The following ATG7 variants were observed in gnomAD, a reference collection of about 807,000 sequenced individuals.
ATG7 encodes the protein autophagy related 7, also known as ubiquitin-like modifier-activating enzyme ATG7.
In ATG7, 70 loss-of-function variants were observed where a neutral mutation model predicts 82.4. That is an observed-to-expected ratio of 0.85 (90% CI 0.70 to 1.04). The LOEUF (loss-of-function observed/expected upper bound fraction) is 1.04, where lower values mean the gene tolerates loss of function less well. Among genes scored for constraint, ATG7 ranks in the 50% least tolerant of loss-of-function variants. The pLI, the probability that ATG7 is intolerant of heterozygous loss-of-function variation, is 0.00. For missense variants in ATG7, 792 were observed against 864.3 expected (o/e 0.92, Z 1.05); for synonymous variants, 287 against 313.0 (o/e 0.92, Z 0.88).
In ATG7 at chr3:11,505,073, G is replaced by A. The variant is rs150726958; in HGVS notation, c.2080-49738G>A. Among the ~76,000 whole-genome samples the A allele has an allele frequency of 9.9e-5, 15 of 152,268 alleles. No homozygotes were observed. In the East Asian group the frequency reaches 2.9e-3, roughly 29 times the overall value. ...CATACAGAGGTAACTAAAAGTATCA[G>A]GTAAGTCTCTACGGAGTATAGTATG... is the stretch of plus-strand genomic sequence containing the variant. On this transcript the variant is annotated intron_variant, in intron 20 of 20. Transcript: ENST00000693202.
At chr3:11,355,483 G>A (rs1256177889) in intron 14 of ATG7, among the ~76,000 whole-genome samples, 1 of 152,138 alleles carries the variant, frequency 6.6e-6, no homozygotes, top group Non-Finnish European at 1.5e-5. Context: ...CTCTTATCCA[G>A]AACACGCAAG....
chr3:11,427,037 G>A, intron 20 of ATG7, 111 bp downstream of exon 20: 1 of 1,314,120 alleles, frequency 7.6e-7, no homozygotes, highest in Non-Finnish European at 1.0e-6. Context: ...GTAACTTAGA[G>A]CAAATATCAC....
chr3:11,362,883 C>T lies in ATG7; in HGVS notation c.1754C>T (p.Ala585Val). Residue 585 changes from alanine to valine, a missense_variant, in exon 17 of 21, where the codon GCC becomes GTC. By Grantham distance (64) the Ala-to-Val change is moderately conservative. Coordinates refer to ENST00000693202, the MANE Select transcript of ATG7 (RefSeq NM_001349232.2). The stretch of plus-strand genomic sequence containing the variant: ...CCAGGACTGGCCGTGATTGCAGGAG[C>T]CCTGGCCGTGGAATTGATGGTATCT... ...SRPGLAVIAGALAVELMVSVL... is the reference protein window; with the variant it reads ...SRPGLAVIAGVLAVELMVSVL... The T allele has an allele frequency of 6.2e-7, 1 of 1,614,044 alleles. No homozygotes were observed. Among genetic ancestry groups the T allele is most frequent in the South Asian group, 1.1e-5 (1 of 91,068 alleles).
In ATG7 at chr3:11,347,857, G is replaced by A; in HGVS notation, c.1126-20G>A. 1.9e-6 allele frequency: 3 copies of A among 1,608,952 alleles called. No individual in the cohort carries two copies. The highest frequency in any genetic ancestry group is 2.2e-5 in the East Asian group (1 of 44,708). On this transcript the variant is annotated intron_variant, in intron 13 of 20. Transcript: ENST00000693202. ...GAAATGTTCATCAGAAACACACCAT[G>A]ATCTCCTGTTTCCACACAGGGTTGG... is the stretch of plus-strand genomic sequence containing the variant.
chr3:11,377,733 C>T (rs1368730555), intron 18 of ATG7, among the ~76,000 whole-genome samples: 1 of 152,120 alleles, frequency 6.6e-6, no homozygotes, highest in Non-Finnish European at 1.5e-5. Flanking sequence ...TCTAAGTAAA[C>T]TTAATATAAA....
intron 20 of ATG7, among the ~76,000 whole-genome samples, chr3:11,487,733 G>A (rs1246676219): frequency 2.3e-4 from 1 of 4,396 alleles, no homozygotes; most frequent in Non-Finnish European, 4.6e-4. Flanking sequence ...CTGGCCGGGC[G>A]GGGGGCTGAC....
intron 11 of ATG7, among the ~76,000 whole-genome samples, chr3:11,337,629 A>C (rs371573922): frequency 8.5e-4 from 130 of 152,134 alleles, no homozygotes; most frequent in African/African-American, 2.8e-3. Context: ...TTTTCTTAGA[A>C]ATGGCTATAG....
intron 20 of ATG7, among the ~76,000 whole-genome samples, chr3:11,531,507 C>A (rs1233008692): frequency 6.6e-6 from 1 of 152,164 alleles, no homozygotes; most frequent in African/African-American, 2.4e-5. Flanking sequence ...TTCCTTAAGC[C>A]CAAGGGGCAA....
chr3:11,575,612 C>T, the ATG7 span, among the ~76,000 whole-genome samples: 1 of 152,288 alleles, frequency 6.6e-6, no homozygotes, highest in East Asian at 1.9e-4. Flanking sequence ...CAGCGGCAGC[C>T]GCTTAAAGAA....
chr3:11,351,693 A>G (rs2075557442), intron 14 of ATG7, among the ~76,000 whole-genome samples: 3 of 152,202 alleles, frequency 2.0e-5, no homozygotes, highest in Admixed American at 6.5e-5. Context: ...TTATACTTTT[A>G]TCCTTCATGC....
the ATG7 span, among the ~76,000 whole-genome samples, chr3:11,575,056 C>T: frequency 6.6e-6 from 1 of 152,136 alleles, no homozygotes; most frequent in Non-Finnish European, 1.5e-5. Flanking sequence ...CTTCAACGCT[C>T]GTGCCAACCC....
At chr3:11,303,110 G>A (rs1274593380) in intron 5 of ATG7, among the ~76,000 whole-genome samples, 1 of 152,176 alleles carries the variant, frequency 6.6e-6, no homozygotes, top group African/African-American at 2.4e-5. Flanking sequence ...TCACTTTCAG[G>A]TAACAACAGA....
At chr3:11,511,765 G>A (rs2454488) in intron 20 of ATG7, among the ~76,000 whole-genome samples, 5 of 152,048 alleles carry the variant, frequency 3.3e-5, no homozygotes. Context: ...AAGGCCCAGC[G>A]AGAAATCGAG....
At chr3:11,460,570 C>T (rs902120077) in intron 20 of ATG7, among the ~76,000 whole-genome samples, 1 of 152,156 alleles carries the variant, frequency 6.6e-6, no homozygotes, top group African/African-American at 2.4e-5. Flanking sequence ...TATTTTCCCT[C>T]AGAGTACTTC....
intron 19 of ATG7, among the ~76,000 whole-genome samples, chr3:11,402,612 G>T (rs1189577429): frequency 1.3e-5 from 2 of 152,086 alleles, no homozygotes; most frequent in African/African-American, 4.8e-5. Flanking sequence ...CACCAGCCCC[G>T]TGAAAGTCAA....
chr3:11,348,998 C>T (rs1302962211), intron 14 of ATG7, among the ~76,000 whole-genome samples: 4 of 150,754 alleles, frequency 2.7e-5, no homozygotes, highest in African/African-American at 7.4e-5. Context: ...TTACAGAGTG[C>T]TGATTGGTGT....
At chr3:11,320,935 TTGTC>T (rs1950132890) in intron 9 of ATG7, among the ~76,000 whole-genome samples, 1 of 152,234 alleles carries the variant, frequency 6.6e-6, no homozygotes, top group African/African-American at 2.4e-5. Context: ...CTTTCCCAAA[TTGTC>T]TGTACACCTC....
downstream of ATG7, chr3:11,559,550 G>T: frequency 7.1e-7 from 1 of 1,413,834 alleles, no homozygotes; most frequent in East Asian, 2.7e-5. Context: ...CTCTGTCCTG[G>T]TGCCCTTCCT....
chr3:11,569,020 C>T, the ATG7 span: 2 of 870,336 alleles, frequency 2.3e-6, no homozygotes, highest in Non-Finnish European at 2.8e-6. Flanking sequence ...TTTCTGAGTA[C>T]TGAAAGCCAC....
Sources: gnomAD v4.1 joint callset for allele counts (sites outside exome capture counted in the v4.1 genomes callset) on GRCh38, gnomAD v4.1.1 for gene constraint, MANE v1.5 for transcripts, NCBI Gene and HGNC (gene_info 2026-07-23, HGNC 2026-07-21) for gene names.